Variants in ABRA observed in about 807,000 individuals in gnomAD.
ABRA encodes the protein actin binding Rho activating protein, also known as actin-binding Rho-activating protein.
A neutral mutation model predicts 33.4 loss-of-function variants in ABRA; 25 were observed. The observed-to-expected ratio is 0.75, with a 90% CI of 0.55 to 1.04. ABRA has a LOEUF of 1.04. Among genes scored for constraint, ABRA ranks in the 50% least tolerant of loss-of-function variants. The pLI is 0.00. For synonymous variants in ABRA, 193 were observed against 176.8 expected (o/e 1.09, Z -0.73); for missense variants, 501 against 491.7 (o/e 1.02, Z -0.18).
intron 1 of ABRA, among the ~76,000 whole-genome samples, chr8:106,767,914 G>A (rs1810527927): frequency 6.6e-6 from 1 of 152,078 alleles, no homozygotes; most frequent in Admixed American, 6.6e-5. Context: ...GGCTAACATG[G>A]TGAAACCCCA....
At position 106,769,651 on chromosome 8, in the gene ABRA, C is replaced by G; in HGVS notation, c.540G>C (p.Glu180Asp). The G allele has an allele frequency of 1.9e-6, 3 of 1,614,182 alleles. No homozygotes were observed. The highest frequency in any genetic ancestry group is 1.7e-6 in the Non-Finnish European group (2 of 1,180,044). The change falls in exon 1 of 2, where the codon GAG (glutamate) becomes GAC (aspartate). Residue 180 changes from glutamate (E) to aspartate (D), a missense_variant. Coordinates refer to ENST00000311955, the MANE Select transcript of ABRA (RefSeq NM_139166.5). Reference protein sequence around the residue: ...LTKGWRVMEQEEPTWRSDSVD... With the variant: ...LTKGWRVMEQDEPTWRSDSVD... ...CGCTGTCACTCCTCCATGTGGGCTCCTCCTGCTCCATCACTCTCCAGCCCT... is the reference window on the plus strand; with the variant it reads ...CGCTGTCACTCCTCCATGTGGGCTCGTCCTGCTCCATCACTCTCCAGCCCT...
intron 1 of ABRA, among the ~76,000 whole-genome samples, chr8:106,765,598 G>T (rs1186473317): frequency 6.6e-6 from 1 of 152,136 alleles, no homozygotes; most frequent in African/African-American, 2.4e-5. Context: ...ATCAAGAGGG[G>T]CACATTTATC....
In ABRA at chr8:106,770,162, TC is replaced by T. The variant is rs1242574335; in HGVS notation, c.28del (p.Glu10ArgfsTer115). The T allele has an allele frequency of 6.2e-7, 1 of 1,611,406 alleles. No individual in the cohort carries two copies. The highest frequency in any genetic ancestry group is 8.5e-7 in the Non-Finnish European group (1 of 1,179,572). Reference sequence around the variant, plus strand: ...CCGGAGGGCGCTCTTGGCTGGGCCCTCCCCGCTTTCCTTTTCGCCCGGAGCC... The same window carrying T: ...CCGGAGGGCGCTCTTGGCTGGGCCCTCCCGCTTTCCTTTTCGCCCGGAGCC... The part of the protein sequence containing the change: MAPGEKESG[E>X]GPAKSALRKI... On this transcript the variant is annotated frameshift_variant, in exon 1 of 2. Coordinates refer to ENST00000311955, the MANE Select transcript of ABRA (RefSeq NM_139166.5). LOFTEE classifies it high-confidence loss of function.
intron 1 of ABRA, among the ~76,000 whole-genome samples, chr8:106,767,001 G>A (rs1403210359): frequency 6.6e-6 from 1 of 152,108 alleles, no homozygotes; most frequent in East Asian, 1.9e-4. Context: ...CCCCAAGATG[G>A]GTCCTGTATC....
chr8:106,769,663 C>A lies in ABRA; in HGVS notation c.528G>T (p.Val176=), dbSNP rs753785429. ...TCCATGTGGGCTCCTCCTGCTCCAT[C>A]ACTCTCCAGCCCTTGGTTAGCTCAG... ...LVSELTKGWR[V]MEQEEPTWRS... Residue 176 remains valine, a synonymous_variant, in exon 1 of 2, where the codon GTG becomes GTT. Coordinates refer to ENST00000311955, the MANE Select transcript of ABRA (RefSeq NM_139166.5). 5.6e-6 allele frequency: 9 copies of A among 1,614,190 alleles called. No homozygotes were observed. Among genetic ancestry groups the A allele is most frequent in the South Asian group, 1.1e-5 (1 of 91,084 alleles).
At chr8:106,769,279 G>A (rs1002761820) in intron 1 of ABRA, among the ~76,000 whole-genome samples, 2 of 152,156 alleles carry the variant, frequency 1.3e-5, no homozygotes, top group African/African-American at 2.4e-5. Context: ...TAAGACTTGA[G>A]TGTTCAGTTC....
Position 106,769,397 on chromosome 8 carries a change from G to T in ABRA, c.668+126C>A, listed in dbSNP as rs1040702975. 9.8e-6 allele frequency: 13 copies of T among 1,324,152 alleles called. No individual in the cohort carries two copies. In the Admixed American group the frequency reaches 1.3e-4, roughly 13 times the overall value. 82.0% of individuals were successfully genotyped at this position (1,324,152 alleles called of 1,614,324 possible). On this transcript the variant is annotated intron_variant, in intron 1 of 1. Transcript: ENST00000311955. ...ACATCCCTCCTCTACAGTACTCACT[G>T]CCTGTCCAGTCTTTGAGATTCTCAC...
chr8:106,769,929 C>T lies in ABRA; in HGVS notation c.262G>A (p.Gly88Arg), dbSNP rs1194719781. 6 of 1,614,118 alleles carry T rather than the reference C, an allele frequency of 3.7e-6. No individual in the cohort carries two copies. In the African/African-American group the frequency reaches 5.3e-5, roughly 14 times the overall value. ...TCTGAGCTTTGTCCATCTCCATGTC[C>T]TTCTGGCAGGCGGGGTGGCGACTTT... ...APKSPPRLPE[G>R]HGDGQSSEKA... Residue 88 changes from glycine (G) to arginine (R), a missense_variant, in exon 1 of 2, where the codon GGA becomes AGA. Gly to Arg is a moderately radical substitution (Grantham distance 125, BLOSUM62 -2). Coordinates refer to ENST00000311955, the MANE Select transcript of ABRA (RefSeq NM_139166.5).
chr8:106,763,744 G>T (rs928271177), intron 1 of ABRA, among the ~76,000 whole-genome samples: 3 of 152,216 alleles, frequency 2.0e-5, no homozygotes, highest in African/African-American at 7.2e-5. Context: ...TGTCCTGCCA[G>T]AGAAGAGGCT....
At chr8:106,764,133 T>C (rs1216606832) in intron 1 of ABRA, among the ~76,000 whole-genome samples, 1 of 152,228 alleles carries the variant, frequency 6.6e-6, no homozygotes, top group Non-Finnish European at 1.5e-5. Flanking sequence ...AATTCTCTTA[T>C]ATGTTGGTAT....
chr8:106,762,779 A>C (rs372486461), intron 1 of ABRA, among the ~76,000 whole-genome samples: 1 of 152,180 alleles, frequency 6.6e-6, no homozygotes, highest in Non-Finnish European at 1.5e-5. Flanking sequence ...TCTATGCAAC[A>C]AACTTGCACA....
chr8:106,766,197 A>G (rs756258831), intron 1 of ABRA, among the ~76,000 whole-genome samples: 6 of 152,214 alleles, frequency 3.9e-5, no homozygotes, highest in Non-Finnish European at 7.3e-5. Flanking sequence ...ACTGGATTGA[A>G]CAAGTCACAT....
Position 106,770,223 on chromosome 8 carries a change from G to A in ABRA, c.-33C>T. 1.9e-6 allele frequency: 3 copies of A among 1,574,798 alleles called. No individual in the cohort carries two copies. Among genetic ancestry groups the A allele is most frequent in the Non-Finnish European group, 2.6e-6 (3 of 1,167,116 alleles). The stretch of plus-strand genomic sequence containing the variant: ...ACCTGTCTTTCTCTGCTGATAGCCT[G>A]GACACTGGCTAAAATGAGTGTGGTC... On this transcript the variant is annotated 5_prime_UTR_variant, in exon 1 of 2. Transcript: ENST00000311955.
At chr8:106,769,339 T>A (rs931141989) in intron 1 of ABRA, among the ~76,000 whole-genome samples, 184 bp downstream of exon 1, 1 of 152,292 alleles carries the variant, frequency 6.6e-6, no homozygotes, top group East Asian at 1.9e-4. Flanking sequence ...AAAAGGTCCA[T>A]GTCTAAGGTT....
At chr8:106,763,229 C>T (rs1279623692) in intron 1 of ABRA, among the ~76,000 whole-genome samples, 1 of 152,148 alleles carries the variant, frequency 6.6e-6, no homozygotes, top group Non-Finnish European at 1.5e-5. Flanking sequence ...AAAGAAATGA[C>T]ATCCACTAGA....
chr8:106,759,888 T>TTC lies in ABRA; in HGVS notation c.*1147_*1148dup, dbSNP rs1231535086. 6.6e-6 allele frequency: 1 copy of TTC among 152,250 alleles called. No homozygotes were observed. The highest frequency in any genetic ancestry group is 1.5e-5 in the Non-Finnish European group (1 of 68,046). The allele number at this position is 152,250 out of a possible 1,614,324, so 9.4% of individuals were successfully genotyped here. ...ATAGGCACATTAATGTCCAATGATTTTCTCCTTGCCATCATCATTGTATAT... is the reference window on the plus strand; with the variant it reads ...ATAGGCACATTAATGTCCAATGATTTTCTCTCCTTGCCATCATCATTGTATAT... On this transcript the variant is annotated 3_prime_UTR_variant, in exon 2 of 2. Transcript: ENST00000311955.
chr8:106,764,179 G>A (rs953954898), intron 1 of ABRA, among the ~76,000 whole-genome samples: 3 of 152,176 alleles, frequency 2.0e-5, no homozygotes, highest in Admixed American at 2.0e-4. Flanking sequence ...CAAAAAATAG[G>A]TAAATACTCA....
At chr8:106,764,343 TG>T (rs1836179821) in intron 1 of ABRA, among the ~76,000 whole-genome samples, 1 of 152,192 alleles carries the variant, frequency 6.6e-6, no homozygotes, top group East Asian at 1.9e-4. Context: ...GGGATTGGTG[TG>T]TGCCAATAAA....
At chr8:106,767,892 C>G (rs1373707227) in intron 1 of ABRA, among the ~76,000 whole-genome samples, 3 of 151,984 alleles carry the variant, frequency 2.0e-5, no homozygotes, top group Non-Finnish European at 4.4e-5. Context: ...GTCAGGAGTT[C>G]GAGACCAGCC....
Sources: gnomAD v4.1 joint callset for allele counts (sites outside exome capture counted in the v4.1 genomes callset) on GRCh38, gnomAD v4.1.1 for gene constraint, MANE v1.5 for transcripts, NCBI Gene and HGNC (gene_info 2026-07-23, HGNC 2026-07-21) for gene names.